Variants in ULK4 observed in about 807,000 individuals in gnomAD.
ULK4 encodes inactive serine/threonine-protein kinase ULK4.
In ULK4, 133 loss-of-function variants were observed where a neutral mutation model predicts 160.6. The ratio of observed to expected loss-of-function variants is 0.83; its 90% CI spans 0.72 to 0.96. The LOEUF is 0.96. ULK4 is among the 40% of genes least tolerant of loss of function. The probability of loss-of-function intolerance (pLI) is 0.00; values close to 1 mark genes in which losing one functional copy is unlikely to be tolerated. For synonymous variants in ULK4, 534 were observed against 539.8 expected (o/e 0.99, Z 0.15); for missense variants, 1,580 against 1,499.5 (o/e 1.05, Z -0.89).
chr3:41,638,217 A>C (rs1024428902), intron 30 of ULK4, among the ~76,000 whole-genome samples: 1 of 152,064 alleles, frequency 6.6e-6, no homozygotes, highest in African/African-American at 2.4e-5. Context: ...ATCTTAATGA[A>C]ATTTTCTTTT....
At chr3:41,623,928 A>G (rs777529566) in intron 30 of ULK4, among the ~76,000 whole-genome samples, 1 of 152,236 alleles carries the variant, frequency 6.6e-6, no homozygotes. Flanking sequence ...ATTACACTCT[A>G]TGCCACAAAT....
At chr3:41,361,001 T>C (rs1438495984) in intron 35 of ULK4, among the ~76,000 whole-genome samples, 2 of 152,094 alleles carry the variant, frequency 1.3e-5, no homozygotes, top group African/African-American at 4.8e-5. Context: ...CATATTCTGA[T>C]GGGAAAGACC....
chr3:41,549,914 G>A (rs1307545942), intron 32 of ULK4, among the ~76,000 whole-genome samples: 1 of 151,868 alleles, frequency 6.6e-6, no homozygotes, highest in Non-Finnish European at 1.5e-5. Context: ...GAAAAAAAAA[G>A]AAAACAACAA....
chr3:41,575,804 A>G (rs1434599967), intron 31 of ULK4, among the ~76,000 whole-genome samples: 1 of 152,226 alleles, frequency 6.6e-6, no homozygotes, highest in Non-Finnish European at 1.5e-5. Context: ...TGGCAGGTTA[A>G]TTGTGTCACT....
chr3:41,565,783 T>C (rs2087761405), intron 32 of ULK4, among the ~76,000 whole-genome samples: 1 of 152,186 alleles, frequency 6.6e-6, no homozygotes. Flanking sequence ...AATACTATGA[T>C]TACACCTCTA....
chr3:41,325,278 C>A (rs1575434036), intron 35 of ULK4, among the ~76,000 whole-genome samples: 1 of 151,844 alleles, frequency 6.6e-6, no homozygotes, highest in Non-Finnish European at 1.5e-5. Flanking sequence ...AGAAAAGAAA[C>A]CCAGGAGGTG....
chr3:41,387,080 T>C (rs891934988), intron 35 of ULK4, among the ~76,000 whole-genome samples: 14 of 150,094 alleles, frequency 9.3e-5, no homozygotes, highest in Non-Finnish European at 1.8e-4. Flanking sequence ...AGTATATTTC[T>C]TTTTTTGATA....
At chr3:41,514,697 T>C (rs931734758) in intron 32 of ULK4, among the ~76,000 whole-genome samples, 1 of 152,066 alleles carries the variant, frequency 6.6e-6, no homozygotes, top group Non-Finnish European at 1.5e-5. Context: ...AAACATTGCA[T>C]GTTCTTATTC....
chr3:41,713,737 G>GAC (rs1189375290), intron 25 of ULK4, among the ~76,000 whole-genome samples: 1 of 151,886 alleles, frequency 6.6e-6, no homozygotes, highest in East Asian at 1.9e-4. Context: ...AGTCTTTATG[G>GAC]ACACACTCAG....
chr3:41,798,834 G>A (rs540838592), intron 20 of ULK4, among the ~76,000 whole-genome samples: 14 of 152,136 alleles, frequency 9.2e-5, no homozygotes, highest in African/African-American at 3.1e-4. Context: ...AGTCAGGAAA[G>A]GGCAAAAATA....
chr3:41,436,066 G>A (rs1393919058), intron 34 of ULK4, among the ~76,000 whole-genome samples: 1 of 152,222 alleles, frequency 6.6e-6, no homozygotes, highest in African/African-American at 2.4e-5. Flanking sequence ...TACGCATTCA[G>A]TAGAAACAGT....
At chr3:41,665,960 G>A (rs1335407723) in intron 29 of ULK4, among the ~76,000 whole-genome samples, 1 of 152,178 alleles carries the variant, frequency 6.6e-6, no homozygotes, top group Non-Finnish European at 1.5e-5. Context: ...GTGAAAGGAT[G>A]CAGATTAAAA....
At chr3:41,618,829 C>T (rs964088255) in intron 30 of ULK4, among the ~76,000 whole-genome samples, 16 of 151,960 alleles carry the variant, frequency 1.1e-4, no homozygotes, top group African/African-American at 3.6e-4. Context: ...CACTGACTGG[C>T]AAATTAGATA....
intron 25 of ULK4, among the ~76,000 whole-genome samples, chr3:41,707,231 C>T (rs904518832): frequency 2.6e-5 from 4 of 152,068 alleles, no homozygotes; most frequent in Admixed American, 1.3e-4. Flanking sequence ...CATTAAAATG[C>T]TAGAAAACAT....
chr3:41,372,835 C>G (rs1008944714), intron 35 of ULK4, among the ~76,000 whole-genome samples: 1 of 152,146 alleles, frequency 6.6e-6, no homozygotes, highest in African/African-American at 2.4e-5. Context: ...AATTAAAAGG[C>G]ACAGACTGGC....
At chr3:41,555,747 A>G (rs1442305115) in intron 32 of ULK4, among the ~76,000 whole-genome samples, 1 of 152,268 alleles carries the variant, frequency 6.6e-6, no homozygotes, top group Non-Finnish European at 1.5e-5. Flanking sequence ...TATTCACAAT[A>G]GCTAAGACAT....
At chr3:41,401,464 G>A (rs1413361345) in intron 34 of ULK4, among the ~76,000 whole-genome samples, 1 of 152,146 alleles carries the variant, frequency 6.6e-6, no homozygotes, top group African/African-American at 2.4e-5. Flanking sequence ...ACTTTGTCTT[G>A]TAAGAATTAG....
intron 29 of ULK4, among the ~76,000 whole-genome samples, chr3:41,671,709 A>G (rs1362050013): frequency 6.6e-6 from 1 of 152,140 alleles, no homozygotes; most frequent in Admixed American, 6.6e-5. Flanking sequence ...ACATAAACAA[A>G]AATAGACAAA....
At chr3:41,698,622 T>C (rs2036574992) in intron 27 of ULK4, among the ~76,000 whole-genome samples, 1 of 152,234 alleles carries the variant, frequency 6.6e-6, no homozygotes, top group African/African-American at 2.4e-5. Flanking sequence ...AATCAACCTG[T>C]ATATAGGCTT....
Sources: gnomAD v4.1 joint callset for allele counts (sites outside exome capture counted in the v4.1 genomes callset) on GRCh38, gnomAD v4.1.1 for gene constraint, MANE v1.5 for transcripts, NCBI Gene and HGNC (gene_info 2026-07-23, HGNC 2026-07-21) for gene names.